The following CFAP299 variants were observed in gnomAD, a reference collection of about 807,000 sequenced individuals.
CFAP299 encodes cilia and flagella associated protein 299.
CFAP299 carries 21 observed loss-of-function variants against 27.0 expected under a neutral mutation model. The observed-to-expected ratio is 0.78, with a 90% CI of 0.55 to 1.12. The LOEUF (loss-of-function observed/expected upper bound fraction) is 1.12, where lower values mean the gene tolerates loss of function less well. Among genes scored for constraint, CFAP299 ranks in the 50% most tolerant of loss-of-function variants. CFAP299 has a pLI of 0.00. For synonymous variants in CFAP299, 104 were observed against 98.1 expected (o/e 1.06, Z -0.36); for missense variants, 310 against 276.6 (o/e 1.12, Z -0.86).
At chr4:80,477,537 C>T (rs1730343842) in intron 2 of CFAP299, among the ~76,000 whole-genome samples, 1 of 152,172 alleles carries the variant, frequency 6.6e-6, no homozygotes, top group Non-Finnish European at 1.5e-5. Flanking sequence ...CATGCACATC[C>T]ATCTTATCCC....
chr4:80,754,495 G>C (rs1334121738), intron 3 of CFAP299, among the ~76,000 whole-genome samples: 2 of 151,686 alleles, frequency 1.3e-5, no homozygotes, highest in Admixed American at 1.3e-4. Context: ...TCAGTGTTTT[G>C]TACTTCCATT....
intron 3 of CFAP299, among the ~76,000 whole-genome samples, chr4:80,618,495 G>A (rs538116760): frequency 6.6e-6 from 1 of 152,134 alleles, no homozygotes; most frequent in South Asian, 2.1e-4. Flanking sequence ...AAATTTTGGT[G>A]ATCTCTACTG....
chr4:80,591,171 T>C (rs1244462446), intron 3 of CFAP299, among the ~76,000 whole-genome samples: 1 of 140,118 alleles, frequency 7.1e-6, no homozygotes, highest in Non-Finnish European at 1.5e-5. Context: ...TCGCCCAGGC[T>C]GGAGTGCAGT....
chr4:80,371,693 G>T (rs756821389), intron 2 of CFAP299, among the ~76,000 whole-genome samples: 1 of 150,566 alleles, frequency 6.6e-6, no homozygotes, highest in Non-Finnish European at 1.5e-5. Context: ...TCTTTGCTAG[G>T]ACATAACAAA....
rs555407941 is a variant in CFAP299, at chr4:80,856,953, A to T, written c.334-13040A>T. On this transcript the variant is annotated intron_variant, in intron 3 of 5. Transcript: ENST00000358105. ...CAATTCTGTGAAGAAAGTCATTGGT[A>T]GCTTGATGGGGATGGCATTGAATCT... Among the ~76,000 whole-genome samples the T allele has an allele frequency of 2.2e-4, 34 of 152,104 alleles. 1 individual carries two copies. The South Asian group carries it at 6.3e-3, about 28-fold the overall frequency.
chr4:80,445,207 A>G (rs1366657665), intron 2 of CFAP299, among the ~76,000 whole-genome samples: 2 of 152,238 alleles, frequency 1.3e-5, no homozygotes, highest in African/African-American at 4.8e-5. Context: ...TCATTCTATT[A>G]TAAAGACACA....
intron 4 of CFAP299, among the ~76,000 whole-genome samples, chr4:80,882,405 G>A (rs940643877): frequency 4.6e-5 from 7 of 152,150 alleles, no homozygotes; most frequent in Non-Finnish European, 1.5e-5. Context: ...TTGGGAGGCC[G>A]AGGCGGGCGG....
chr4:80,642,115 T>C (rs1370693324), intron 3 of CFAP299, among the ~76,000 whole-genome samples: 1 of 152,146 alleles, frequency 6.6e-6, no homozygotes, highest in Non-Finnish European at 1.5e-5. Flanking sequence ...TTTGGGGAGT[T>C]AGTAACATTT....
At chr4:80,664,614 C>T (rs1577991360) in intron 3 of CFAP299, among the ~76,000 whole-genome samples, 1 of 152,276 alleles carries the variant, frequency 6.6e-6, no homozygotes, top group South Asian at 2.1e-4. Context: ...TGACTTTAGA[C>T]TGCTGTGCTG....
chr4:80,324,325 C>T, the CFAP299 span, among the ~76,000 whole-genome samples: 6 of 152,176 alleles, frequency 3.9e-5, no homozygotes, highest in Non-Finnish European at 7.3e-5. Context: ...TTTTGCTCTT[C>T]AGGGCAGTTA....
chr4:80,959,906 C>T (rs1738257691), intron 5 of CFAP299, among the ~76,000 whole-genome samples: 1 of 151,806 alleles, frequency 6.6e-6, no homozygotes, highest in East Asian at 1.9e-4. Context: ...ACAATAAGTA[C>T]ATACTTAAAA....
chr4:80,676,220 G>T (rs1291975099), intron 3 of CFAP299, among the ~76,000 whole-genome samples: 1 of 152,088 alleles, frequency 6.6e-6, no homozygotes, highest in East Asian at 1.9e-4. Context: ...TTATCATATT[G>T]TTTTTGTCCT....
At chr4:80,847,959 C>T (rs1731273342) in intron 3 of CFAP299, among the ~76,000 whole-genome samples, 1 of 152,046 alleles carries the variant, frequency 6.6e-6, no homozygotes, top group Admixed American at 6.6e-5. Context: ...CCTGCAATAC[C>T]AGCACTTTAG....
intron 2 of CFAP299, among the ~76,000 whole-genome samples, chr4:80,414,359 C>A (rs545351842): frequency 2.6e-5 from 4 of 151,974 alleles, no homozygotes; most frequent in Non-Finnish European, 2.9e-5. Context: ...CGTGAGCCAC[C>A]GCGACAAATG....
chr4:80,763,291 G>A (rs1725644894), intron 3 of CFAP299, among the ~76,000 whole-genome samples: 1 of 152,108 alleles, frequency 6.6e-6, no homozygotes, highest in Non-Finnish European at 1.5e-5. Context: ...AAAATCACAA[G>A]CATTCCTATA....
intron 3 of CFAP299, among the ~76,000 whole-genome samples, chr4:80,651,564 TC>T (rs879504414): frequency 3.9e-5 from 6 of 151,922 alleles, no homozygotes; most frequent in Non-Finnish European, 5.9e-5. Context: ...AGGGTCTCTC[TC>T]TGTTGCCCAG....
At chr4:80,335,164 T>C (rs1042095589), upstream of CFAP299, among the ~76,000 whole-genome samples, 4 of 152,222 alleles carry the variant, frequency 2.6e-5, no homozygotes, top group African/African-American at 9.6e-5. Context: ...TGTGCTAAAA[T>C]AGTAAAATAA....
chr4:80,739,680 T>G (rs1724137679), intron 3 of CFAP299, among the ~76,000 whole-genome samples: 1 of 152,100 alleles, frequency 6.6e-6, no homozygotes, highest in African/African-American at 2.4e-5. Context: ...GTTAAATCTG[T>G]GTGGTGTTTC....
chr4:80,487,803 C>T (rs1278309876), intron 2 of CFAP299, among the ~76,000 whole-genome samples: 1 of 152,150 alleles, frequency 6.6e-6, no homozygotes, highest in African/African-American at 2.4e-5. Flanking sequence ...CTTACATTAA[C>T]AGAAGGGAGA....
Sources: gnomAD v4.1 joint callset for allele counts (sites outside exome capture counted in the v4.1 genomes callset) on GRCh38, gnomAD v4.1.1 for gene constraint, MANE v1.5 for transcripts, NCBI Gene and HGNC (gene_info 2026-07-23, HGNC 2026-07-21) for gene names.